Variants in KIAA1671 observed in about 807,000 individuals in gnomAD.
KIAA1671 encodes uncharacterized protein KIAA1671.
In KIAA1671, 52 loss-of-function variants were observed where a neutral mutation model predicts 131.2. The ratio of observed to expected loss-of-function variants is 0.40; its 90% CI spans 0.32 to 0.50. KIAA1671 has a LOEUF of 0.50. Ranked by LOEUF, KIAA1671 falls within the 20% of genes least tolerant of loss-of-function variation. The pLI, the probability that KIAA1671 is intolerant of heterozygous loss-of-function variation, is 0.73. For synonymous variants in KIAA1671, 1,003 were observed against 961.6 expected (o/e 1.04, Z -0.80); for missense variants, 2,360 against 2,364.2 (o/e 1.00, Z 0.04).
rs578240450 is a variant in KIAA1671 at position 24,984,370 on chromosome 22, G to T, written c.-208+31598G>T. Among the ~76,000 whole-genome samples, 3 of 152,290 alleles carry T rather than the reference G, an allele frequency of 2.0e-5. No homozygotes were observed. The South Asian group carries it at 6.2e-4, about 32-fold the overall frequency. On this transcript the variant is annotated intron_variant, in intron 1 of 12. Coordinates refer to ENST00000358431, the MANE Select transcript of KIAA1671 (RefSeq NM_001145206.2). ...AGGGGAAAGAAAGCTCAAGGCCTCA[G>T]CTAACATCTTCAGTCTTGTAAGTTC...
intron 1 of KIAA1671, among the ~76,000 whole-genome samples, chr22:24,965,101 TAAAAA>T (rs3063196): frequency 0.017 from 2,429 of 140,870 alleles, 63 homozygotes; most frequent in African/African-American, 0.058. Context: ...AGTAGGCTCT[TAAAAA>T]AAAAAAAAAA....
chr22:25,107,736 C>A (rs1931094986), intron 6 of KIAA1671, among the ~76,000 whole-genome samples: 1 of 151,784 alleles, frequency 6.6e-6, no homozygotes, highest in Admixed American at 6.6e-5. Context: ...ATTGGCCGGG[C>A]ATGGTGGCTC....
Position 25,038,953 on chromosome 22 carries a change from A to G in KIAA1671, c.1823A>G (p.Gln608Arg), listed in dbSNP as rs1926764735. 1.3e-6 allele frequency: 2 copies of G among 1,551,642 alleles called. No individual in the cohort carries two copies. Among genetic ancestry groups the G allele is most frequent in the Admixed American group, 3.9e-5 (2 of 50,988 alleles). ...DVTPEDDRSF[Q>R]TVWATVFEHH... ...ACTCCAGAGGATGACCGGAGCTTCCAGACTGTGTGGGCCACAGTATTTGAG... is the reference window on the plus strand; with the variant it reads ...ACTCCAGAGGATGACCGGAGCTTCCGGACTGTGTGGGCCACAGTATTTGAG... Residue 608 changes from glutamine (Q) to arginine (R), a missense_variant, in exon 5 of 13, where the codon CAG (glutamine) becomes CGG (arginine). Gln to Arg is a conservative substitution (Grantham distance 43). Around this residue, in one of 3 missense-constraint regions of KIAA1671, gnomAD observed 1,185 missense variants for 1,126.2 expected, o/e 1.05. Transcript: ENST00000358431.
chr22:24,974,685 C>CTTTTTT (rs34171375), intron 1 of KIAA1671, among the ~76,000 whole-genome samples: 26 of 81,258 alleles, frequency 3.2e-4, no homozygotes, highest in Non-Finnish European at 4.8e-4. Context: ...CAGCTCACCT[C>CTTTTTT]TTTTTTTTTT....
At chr22:25,120,827 G>C (rs1345862278) in intron 6 of KIAA1671, among the ~76,000 whole-genome samples, 1 of 152,088 alleles carries the variant, frequency 6.6e-6, no homozygotes, top group Non-Finnish European at 1.5e-5. Flanking sequence ...CAACATTTGT[G>C]TGCTCCATAA....
chr22:24,981,605 A>T (rs1217970259), intron 1 of KIAA1671, among the ~76,000 whole-genome samples: 1 of 152,052 alleles, frequency 6.6e-6, no homozygotes, highest in Non-Finnish European at 1.5e-5. Context: ...ACCCTTGGGG[A>T]TCTGTATTCA....
At chr22:25,134,562 A>G in intron 6 of KIAA1671, among the ~76,000 whole-genome samples, 1 of 152,222 alleles carries the variant, frequency 6.6e-6, no homozygotes, top group Middle Eastern at 3.2e-3. Flanking sequence ...TCTGACTTAC[A>G]CAGACCTAAG....
intron 1 of KIAA1671, among the ~76,000 whole-genome samples, chr22:24,957,609 A>G (rs976925643): frequency 6.6e-6 from 1 of 151,924 alleles, no homozygotes; most frequent in Non-Finnish European, 1.5e-5. Context: ...GAATGTAGGT[A>G]AAGCACATAG....
At chr22:25,179,612 C>A in intron 9 of KIAA1671, 1 of 1,024,932 alleles carries the variant, frequency 9.8e-7, no homozygotes, top group Non-Finnish European at 1.4e-6. Flanking sequence ...CAGGGTGGCA[C>A]TCCCAAAAGT....
At position 25,029,509 on chromosome 22, in the gene KIAA1671, G is replaced by A. The variant is rs1245701645; in HGVS notation, c.1510G>A (p.Ala504Thr). 1 of 1,548,138 alleles carries A rather than the reference G, an allele frequency of 6.5e-7. No individual in the cohort carries two copies. The highest frequency in any genetic ancestry group is 2.4e-5 in the East Asian group (1 of 40,848). ...CGAGGTCAGGAGGAGGACGTTCCAG[G>A]CTCGGCCGCTGTCGGCGGATTTGAC... ...KPEVRRRTFQ[A>T]RPLSADLTKL... is the part of the protein sequence containing the mutation. Residue 504 changes from alanine (A) to threonine (T), a missense_variant, in exon 3 of 13, where the codon GCT becomes ACT. This residue lies in a region of KIAA1671 where 1,185 missense variants were observed against 1,126.2 expected (regional missense o/e 1.05). Transcript: ENST00000358431.
intron 8 of KIAA1671, 95 bp downstream of exon 8, chr22:25,174,584 C>T (rs1933961982): frequency 7.2e-7 from 1 of 1,382,104 alleles, no homozygotes; most frequent in African/African-American, 1.5e-5. Context: ...GTGCCAGGGA[C>T]CCTTGGAGTG....
At position 25,196,977 on chromosome 22, in the gene KIAA1671, C is replaced by T. The variant is rs921338646; in HGVS notation, c.*4576C>T. 1.3e-5 allele frequency: 2 copies of T among 152,142 alleles called. No individual in the cohort carries two copies. Among genetic ancestry groups the T allele is most frequent in the Non-Finnish European group, 2.9e-5 (2 of 68,036 alleles). The allele number at this position is 152,142 out of a possible 1,614,324, so 9.4% of individuals were successfully genotyped here. ...ACACACACACAGAGACACACACACA[C>T]ACAAGTATAGTATATATTTTCCTAA... On this transcript the variant is annotated 3_prime_UTR_variant, in exon 13 of 13. Coordinates refer to ENST00000358431, the MANE Select transcript of KIAA1671 (RefSeq NM_001145206.2).
At chr22:25,091,376 G>T (rs769792674) in intron 6 of KIAA1671, among the ~76,000 whole-genome samples, 18 of 152,102 alleles carry the variant, frequency 1.2e-4, no homozygotes, top group Non-Finnish European at 2.2e-4. Context: ...TCTATTTCAA[G>T]CAAAGGTGTT....
Position 25,174,474 on chromosome 22 carries a change from C to T in KIAA1671, c.4884C>T (p.Asp1628=), listed in dbSNP as rs1299627226. The stretch of plus-strand genomic sequence containing the variant: ...CCTGCCCTGAAAAGAGAGTAGATGA[C>T]TTCTCCTTCATTGATGTAAGTCAGT... ...PDACPEKRVD[D]FSFIDQTSVL... is the part of the protein sequence containing the mutation. Residue 1628 remains aspartate, a synonymous_variant, in exon 8 of 13, where the codon GAC becomes GAT. Coordinates refer to ENST00000358431, the MANE Select transcript of KIAA1671 (RefSeq NM_001145206.2). The T allele has an allele frequency of 6.6e-7, 1 of 1,523,696 alleles. No individual in the cohort carries two copies. Among genetic ancestry groups the T allele is most frequent in the Admixed American group, 2.1e-5 (1 of 46,900 alleles). The allele number at this position is 1,523,696 out of a possible 1,614,324, so 94.4% of individuals were successfully genotyped here.
intron 6 of KIAA1671, chr22:25,055,404 A>G (rs1927779223): frequency 2.0e-5 from 3 of 149,780 alleles, no homozygotes; most frequent in Non-Finnish European, 4.5e-5. Flanking sequence ...TGCTGAAAGT[A>G]ACTCATCAAA....
intron 1 of KIAA1671, among the ~76,000 whole-genome samples, chr22:24,983,898 C>T (rs1923368902): frequency 2.0e-5 from 3 of 151,746 alleles, no homozygotes; most frequent in Non-Finnish European, 4.4e-5. Context: ...CCTGCCTCAG[C>T]CTCCCAAGTA....
chr22:24,973,493 G>A (rs978584240), intron 1 of KIAA1671, among the ~76,000 whole-genome samples: 1 of 142,780 alleles, frequency 7.0e-6, no homozygotes, highest in African/African-American at 2.6e-5. Flanking sequence ...CCACCTCCCG[G>A]TTCAAGCAAT....
chr22:25,007,038 T>C (rs1924783979), intron 1 of KIAA1671, among the ~76,000 whole-genome samples: 1 of 152,174 alleles, frequency 6.6e-6, no homozygotes, highest in African/African-American at 2.4e-5. Flanking sequence ...GTTTCAGTTA[T>C]GCCTCTGAGC....
rs1019243439 is a variant in KIAA1671 at position 25,015,547 on chromosome 22, C to T, written c.-207-10086C>T. On this transcript the variant is annotated intron_variant, in intron 1 of 12. Transcript: ENST00000358431. ...TTGTAACATTGTTTCTCCAGATCAG[C>T]AGCTGCACTTGGACAAGCGGCCTGG... Among the ~76,000 whole-genome samples the T allele has an allele frequency of 3.3e-5, 5 of 152,166 alleles. 1 individual carries two copies. In the South Asian group the frequency reaches 1.0e-3, roughly 31 times the overall value.
Sources: gnomAD v4.1 joint callset for allele counts (sites outside exome capture counted in the v4.1 genomes callset) on GRCh38, gnomAD v4.1.1 for gene constraint, gnomAD v4.1.1 regional missense constraint, MANE v1.5 for transcripts, NCBI Gene and HGNC (gene_info 2026-07-23, HGNC 2026-07-21) for gene names.